The following SLC38A11 variants were observed in gnomAD, a reference collection of about 807,000 sequenced individuals.
SLC38A11 encodes solute carrier family 38 member 11.
A neutral mutation model predicts 49.4 loss-of-function variants in SLC38A11; 51 were observed. The observed-to-expected ratio is 1.03, with a 90% CI of 0.83 to 1.30. SLC38A11 has a LOEUF of 1.30. Among genes scored for constraint, SLC38A11 ranks in the 50% most tolerant of loss-of-function variants. The probability of loss-of-function intolerance (pLI) is 0.00; values close to 1 mark genes in which losing one functional copy is unlikely to be tolerated. For synonymous variants in SLC38A11, 203 were observed against 192.9 expected (o/e 1.05, Z -0.43); for missense variants, 574 against 556.2 (o/e 1.03, Z -0.32).
chr2:164,947,079 A>G (rs1439396254), intron 3 of SLC38A11, among the ~76,000 whole-genome samples: 1 of 91,102 alleles, frequency 1.1e-5, no homozygotes, highest in East Asian at 3.1e-4. Context: ...AGTTTCTTTT[A>G]CTCTGCTCAA....
At chr2:164,914,601 T>G (rs1360798832) in intron 9 of SLC38A11, among the ~76,000 whole-genome samples, 1 of 151,690 alleles carries the variant, frequency 6.6e-6, no homozygotes, top group African/African-American at 2.4e-5. Context: ...GCCCGTTATC[T>G]GGGTGGTGTG....
In SLC38A11 at chr2:164,896,921, G is replaced by A. The variant is rs554446133; in HGVS notation, c.*1516C>T. ...TAGGATTTCTTTTTGCATTTGATTTGTACAAACTCATCATATATGTATTAA... is the reference window on the plus strand; with the variant it reads ...TAGGATTTCTTTTTGCATTTGATTTATACAAACTCATCATATATGTATTAA... On this transcript the variant is annotated 3_prime_UTR_variant, in exon 12 of 12. Transcript: ENST00000685975. 6.6e-6 allele frequency: 1 copy of A among 151,672 alleles called. No individual in the cohort carries two copies. The highest frequency in any genetic ancestry group is 2.4e-5 in the African/African-American group (1 of 41,386). The allele number at this position is 151,672 out of a possible 1,614,324, so 9.4% of individuals were successfully genotyped here. A position where few individuals can be genotyped will look rare whatever the true frequency, so the allele number is the denominator to read the frequency against.
intron 11 of SLC38A11, among the ~76,000 whole-genome samples, chr2:164,900,724 G>A (rs1241817809): frequency 6.6e-6 from 1 of 151,914 alleles, no homozygotes; most frequent in Non-Finnish European, 1.5e-5. Context: ...TAGATGGTTT[G>A]CAAATATTTT....
intron 7 of SLC38A11, among the ~76,000 whole-genome samples, chr2:164,918,506 C>G (rs577079079): frequency 6.6e-6 from 1 of 152,158 alleles, no homozygotes; most frequent in East Asian, 1.9e-4. Context: ...GGAATGTCCA[C>G]CAAATCCTAT....
chr2:164,914,707 C>G (rs1473934304), intron 9 of SLC38A11, among the ~76,000 whole-genome samples: 1 of 151,804 alleles, frequency 6.6e-6, no homozygotes, highest in Non-Finnish European at 1.5e-5. Context: ...TATAATAATA[C>G]TCTTTCCTCT....
Position 164,944,570 on chromosome 2 carries a change from T to A in SLC38A11, c.429A>T (p.Gly143=), listed in dbSNP as rs1469530388. The part of the protein sequence containing the change: ...TLSKVFQRIP[G]VDPENVFIGR... ...CTCACAATTTTTATTTTGGCTTACC[T>A]CCTGGGATTCTTTGAAAAACTTTGC... The change falls in exon 5 of 12, where the codon GGA becomes GGT. Residue 143 remains glycine, a splice_region_variant and synonymous_variant. Coordinates refer to ENST00000685975, the MANE Select transcript of SLC38A11 (RefSeq NM_001351537.2). 1.2e-5 allele frequency: 16 copies of A among 1,325,270 alleles called. No individual in the cohort carries two copies. The highest frequency in any genetic ancestry group is 1.5e-5 in the African/African-American group (1 of 66,292). The allele number at this position is 1,325,270 out of a possible 1,614,324, so 82.1% of individuals were successfully genotyped here.
At chr2:164,938,376 T>C (rs921782724) in intron 6 of SLC38A11, among the ~76,000 whole-genome samples, 6 of 152,044 alleles carry the variant, frequency 3.9e-5, no homozygotes, top group Non-Finnish European at 7.4e-5. Flanking sequence ...GCTCATGGAG[T>C]GATTTATTTA....
chr2:164,910,383 C>A (rs543808502), intron 10 of SLC38A11, among the ~76,000 whole-genome samples: 12 of 152,124 alleles, frequency 7.9e-5, no homozygotes, highest in African/African-American at 2.9e-4. Flanking sequence ...AACCTACGTA[C>A]TGAGCAGAAG....
chr2:164,915,088 C>G (rs1393821318), intron 9 of SLC38A11, 24 bp downstream of exon 9: 2 of 1,592,310 alleles, frequency 1.3e-6, no homozygotes, highest in Admixed American at 1.7e-5. Context: ...CACATGAACA[C>G]TATAACTGAA....
In SLC38A11 at chr2:164,940,577, C is replaced by T. The variant is rs890034253; in HGVS notation, c.431-1021G>A. On this transcript the variant is annotated intron_variant, in intron 5 of 11. Coordinates refer to ENST00000685975, the MANE Select transcript of SLC38A11 (RefSeq NM_001351537.2). ...AATGATTGTGGTAAGAAAATAAAAG[C>T]TATTATCCTAAACAATGACACTACT... Among the ~76,000 whole-genome samples the T allele has an allele frequency of 2.6e-5, 4 of 151,196 alleles. No individual in the cohort carries two copies. The East Asian group carries it at 7.7e-4, about 29-fold the overall frequency.
At chr2:164,939,620 T>C (rs1687612434) in intron 5 of SLC38A11, 64 bp from the exon 6 acceptor site, 1 of 997,898 alleles carries the variant, frequency 1.0e-6, no homozygotes, top group Admixed American at 2.3e-5. Context: ...ACACACTAAA[T>C]AGGCCAGCAT....
intron 7 of SLC38A11, among the ~76,000 whole-genome samples, chr2:164,925,952 C>G (rs1420633548): frequency 1.3e-5 from 2 of 152,102 alleles, no homozygotes; most frequent in Non-Finnish European, 2.9e-5. Context: ...TTGGTATCAC[C>G]CTAGGTAACT....
Position 164,896,888 on chromosome 2 carries a change from A to G in SLC38A11, c.*1549T>C, listed in dbSNP as rs1158431312. On this transcript the variant is annotated 3_prime_UTR_variant, in exon 12 of 12. Coordinates refer to ENST00000685975, the MANE Select transcript of SLC38A11 (RefSeq NM_001351537.2). ...ACTACTGTGAACCTACCCTTTATAC[A>G]CTTCCTGTAGGATTTCTTTTTGCAT... 6.6e-6 allele frequency: 1 copy of G among 151,770 alleles called. No homozygotes were observed. The highest frequency in any genetic ancestry group is 1.5e-5 in the Non-Finnish European group (1 of 67,958). 9.4% of individuals were successfully genotyped at this position (151,770 alleles called of 1,614,324 possible).
chr2:164,921,191 G>A (rs1217263071), intron 7 of SLC38A11, among the ~76,000 whole-genome samples: 3 of 152,162 alleles, frequency 2.0e-5, no homozygotes, highest in Non-Finnish European at 2.9e-5. Flanking sequence ...ATATTACTTA[G>A]AAATAGAGAT....
intron 8 of SLC38A11, 37 bp from the exon 9 acceptor site, chr2:164,915,310 C>T: frequency 6.5e-7 from 1 of 1,546,098 alleles, no homozygotes; most frequent in Non-Finnish European, 8.7e-7. Context: ...TTAAATCAAG[C>T]ACCAGGGTTT....
chr2:164,911,741 T>G lies in SLC38A11; in HGVS notation c.858A>C (p.Leu286Phe). 6.3e-7 allele frequency: 1 copy of G among 1,581,480 alleles called. No individual in the cohort carries two copies. Among genetic ancestry groups the G allele is most frequent in the East Asian group, 2.3e-5 (1 of 44,394 alleles). The change falls in exon 10 of 12, where the codon TTA becomes TTC. Residue 286 changes from leucine to phenylalanine, a missense_variant. Coordinates refer to ENST00000685975, the MANE Select transcript of SLC38A11 (RefSeq NM_001351537.2). ...CATCATTTCTGCAGTAATTTTCAAA[T>G]AAGTCCCCTAGATAGTAATATAAAA... ...LTFTGFTQGDLFENYCRNDDL... is the reference protein window; with the variant it reads ...LTFTGFTQGDFFENYCRNDDL...
At chr2:164,918,376 A>G (rs1305043124) in intron 7 of SLC38A11, among the ~76,000 whole-genome samples, 4 of 152,128 alleles carry the variant, frequency 2.6e-5, no homozygotes, top group African/African-American at 9.6e-5. Flanking sequence ...TTAACAGATT[A>G]ATGAAGGAAA....
At chr2:164,901,109 T>C (rs1236840498) in intron 11 of SLC38A11, among the ~76,000 whole-genome samples, 7 of 152,106 alleles carry the variant, frequency 4.6e-5, no homozygotes, top group Admixed American at 4.6e-4. Context: ...TAGTTGACCC[T>C]ATATGTTTGG....
At chr2:164,937,301 A>G in intron 7 of SLC38A11, 49 bp downstream of exon 7, 1 of 1,182,850 alleles carries the variant, frequency 8.5e-7, no homozygotes, top group Non-Finnish European at 1.3e-6. Context: ...CTAAATATCT[A>G]TGTGGAGGCT....
Sources: allele counts gnomAD v4.1 joint callset (sites outside exome capture counted in the v4.1 genomes callset), GRCh38; gene constraint gnomAD v4.1.1; transcripts MANE v1.5; gene names NCBI Gene and HGNC (gene_info 2026-07-23, HGNC 2026-07-21).